The following PHF2 variants were observed in gnomAD, a reference collection of about 807,000 sequenced individuals.
The protein encoded by PHF2 is lysine-specific demethylase PHF2.
PHF2 carries 27 observed loss-of-function variants against 120.5 expected under a neutral mutation model. That is an observed-to-expected ratio of 0.22 (90% CI 0.17 to 0.31). The LOEUF (loss-of-function observed/expected upper bound fraction) is 0.31, where lower values mean the gene tolerates loss of function less well. PHF2 is among the 10% of genes least tolerant of loss of function. PHF2 has a pLI of 1.00. For missense variants in PHF2, 1,024 were observed against 1,434.8 expected (o/e 0.71, Z 4.63); for synonymous variants, 568 against 592.5 (o/e 0.96, Z 0.60).
In PHF2 at chr9:93,678,340, G is replaced by A. The variant is rs1826958612; in HGVS notation, c.*664G>A. 6.6e-6 allele frequency: 1 copy of A among 152,636 alleles called. No homozygotes were observed. The highest frequency in any genetic ancestry group is 2.1e-4 in the South Asian group (1 of 4,838). The allele number at this position is 152,636 out of a possible 1,614,324, so 9.5% of individuals were successfully genotyped here. ...GCTGGGTTGGTGTGTTAGCGGGCAG[G>A]GGAGCCATTGTGGGGTCCCCAGGAA... On this transcript the variant is annotated 3_prime_UTR_variant, in exon 22 of 22. Transcript: ENST00000359246.
At chr9:93,601,939 G>A (rs1261414405) in intron 1 of PHF2, among the ~76,000 whole-genome samples, 3 of 148,346 alleles carry the variant, frequency 2.0e-5, no homozygotes, top group Non-Finnish European at 4.5e-5. Context: ...TGCGGGGGTG[G>A]TAGGGTGGGG....
intron 1 of PHF2, among the ~76,000 whole-genome samples, chr9:93,591,546 G>A (rs1345627125): frequency 4.6e-5 from 7 of 152,332 alleles, no homozygotes; most frequent in Admixed American, 1.3e-4. Flanking sequence ...TAGGGGCAGG[G>A]TGGGGACCAG....
At chr9:93,602,148 T>C (rs1423872511) in intron 1 of PHF2, among the ~76,000 whole-genome samples, 1 of 151,802 alleles carries the variant, frequency 6.6e-6, no homozygotes, top group Non-Finnish European at 1.5e-5. Flanking sequence ...TCTCTGAAGG[T>C]GGTGGAACTA....
chr9:93,605,752 G>A (rs1825532294), intron 1 of PHF2, among the ~76,000 whole-genome samples: 1 of 151,926 alleles, frequency 6.6e-6, no homozygotes, highest in African/African-American at 2.4e-5. Flanking sequence ...GTTCTTTTTA[G>A]CACTGAGTAA....
intron 5 of PHF2, among the ~76,000 whole-genome samples, chr9:93,652,784 C>T (rs549120453): frequency 5.3e-5 from 8 of 152,262 alleles, no homozygotes; most frequent in South Asian, 4.1e-4. Context: ...ATCCAGGTGA[C>T]GCCAGAGGTG....
intron 1 of PHF2, among the ~76,000 whole-genome samples, chr9:93,615,165 GA>G (rs1423748940): frequency 7.5e-5 from 5 of 66,352 alleles, no homozygotes; most frequent in Non-Finnish European, 1.9e-4. Flanking sequence ...TGATGATGGT[GA>G]TGGTGATAGT....
At chr9:93,639,110 GA>G (rs1459511733) in intron 3 of PHF2, among the ~76,000 whole-genome samples, 4 of 152,190 alleles carry the variant, frequency 2.6e-5, no homozygotes, top group Non-Finnish European at 5.9e-5. Flanking sequence ...TTTTTACAAG[GA>G]AGTCAGCTGG....
intron 18 of PHF2, 105 bp downstream of exon 18, chr9:93,673,967 G>A: frequency 7.7e-7 from 1 of 1,295,488 alleles, no homozygotes. Context: ...GTTACAGCAG[G>A]CCTCAGCTCA....
Position 93,678,798 on chromosome 9 carries a change from CATTT to C in PHF2, c.*1125_*1128del, listed in dbSNP as rs1298163486. On this transcript the variant is annotated 3_prime_UTR_variant, in exon 22 of 22. Coordinates refer to ENST00000359246, the MANE Select transcript of PHF2 (RefSeq NM_005392.4). ...TTCTTTCTATAGAGTTCTTCATTAA[CATTT>C]ATACGAGTTTTTTGCTGAGTCAGAT... is the stretch of plus-strand genomic sequence containing the variant. 2.6e-5 allele frequency: 4 copies of C among 153,538 alleles called. No homozygotes were observed. The highest frequency in any genetic ancestry group is 2.6e-4 in the Admixed American group (4 of 15,438). 9.5% of individuals were successfully genotyped at this position (153,538 alleles called of 1,614,324 possible). A position where few individuals can be genotyped will look rare whatever the true frequency, so the allele number is the denominator to read the frequency against.
chr9:93,667,884 T>C (rs1048396564), intron 17 of PHF2, among the ~76,000 whole-genome samples: 1 of 152,126 alleles, frequency 6.6e-6, no homozygotes, highest in African/African-American at 2.4e-5. Flanking sequence ...TTGAGGAAGA[T>C]GGAGCCTGTG....
At chr9:93,585,239 C>T (rs554977008) in intron 1 of PHF2, among the ~76,000 whole-genome samples, 37 of 152,312 alleles carry the variant, frequency 2.4e-4, no homozygotes, top group African/African-American at 8.4e-4. Context: ...CATCAGATGT[C>T]GAACTAGGCG....
rs1489813488 is a variant in PHF2 at position 93,674,812 on chromosome 9, T to A, written c.2627-115T>A. Reference sequence around the variant, plus strand: ...AGTGACACAGCGTGGCAGGCCTTAGTGTAGGCCCTGGGGTTGCTGGCGAGG... The same window carrying A: ...AGTGACACAGCGTGGCAGGCCTTAGAGTAGGCCCTGGGGTTGCTGGCGAGG... On this transcript the variant is annotated intron_variant, in intron 18 of 21. Transcript: ENST00000359246. 4 of 707,666 alleles carry A rather than the reference T, an allele frequency of 5.7e-6. No individual in the cohort carries two copies. In the South Asian group the frequency reaches 6.6e-5, roughly 12 times the overall value. The allele number at this position is 707,666 out of a possible 1,614,324, so 43.8% of individuals were successfully genotyped here. A position where few individuals can be genotyped will look rare whatever the true frequency, so the allele number is the denominator to read the frequency against.
intron 17 of PHF2, among the ~76,000 whole-genome samples, chr9:93,672,125 G>A (rs1314976515): frequency 3.1e-5 from 3 of 96,062 alleles, no homozygotes; most frequent in Non-Finnish European, 2.2e-5. Flanking sequence ...TGCAGGTGTG[G>A]GTGCGGATGT....
At chr9:93,611,371 T>C (rs1825631578) in intron 1 of PHF2, among the ~76,000 whole-genome samples, 1 of 150,690 alleles carries the variant, frequency 6.6e-6, no homozygotes, top group Non-Finnish European at 1.5e-5. Flanking sequence ...GCCGAGATCA[T>C]GCCATTGCAC....
intron 3 of PHF2, among the ~76,000 whole-genome samples, chr9:93,639,735 G>T (rs1826146984): frequency 6.6e-6 from 1 of 152,124 alleles, no homozygotes; most frequent in African/African-American, 2.4e-5. Context: ...CCACCTCTTG[G>T]CATTACTTGC....
At chr9:93,648,240 C>A (rs149214606) in intron 4 of PHF2, among the ~76,000 whole-genome samples, 1 of 152,220 alleles carries the variant, frequency 6.6e-6, no homozygotes, top group Non-Finnish European at 1.5e-5. Context: ...TGGTTGCCAG[C>A]GTCCCAGTGG....
rs1002609014 is a variant in PHF2, at chr9:93,677,925, T to C, written c.*249T>C. 4.0e-6 allele frequency: 2 copies of C among 494,148 alleles called. No individual in the cohort carries two copies. The highest frequency in any genetic ancestry group is 3.9e-5 in the African/African-American group (2 of 51,430). The allele number at this position is 494,148 out of a possible 1,614,324, so 30.6% of individuals were successfully genotyped here. A position where few individuals can be genotyped will look rare whatever the true frequency, so the allele number is the denominator to read the frequency against. ...TGTCCCAGAAAAGCGGCCCTGCAAG[T>C]TTGAGGACCGCTTATTCCACTTTAA... On this transcript the variant is annotated 3_prime_UTR_variant, in exon 22 of 22. Coordinates refer to ENST00000359246, the MANE Select transcript of PHF2 (RefSeq NM_005392.4). The surrounding 1 kb of genome is among the most constrained non-coding windows in gnomAD (Gnocchi z 4.4).
rs754220382 is a variant in PHF2 at position 93,658,172 on chromosome 9, C to G, written c.1175C>G (p.Pro392Arg). The G allele has an allele frequency of 6.2e-7, 1 of 1,613,264 alleles. No homozygotes were observed. The highest frequency in any genetic ancestry group is 1.1e-5 in the South Asian group (1 of 90,820). ...KGSHKSGKQLPPHLVQGAKIL... is the reference protein window; with the variant it reads ...KGSHKSGKQLRPHLVQGAKIL... ...TCTCACAAATCTGGGAAGCAGCTGCCCCCTCATCTAGTCCAAGGAGCTAAA... is the reference window on the plus strand; with the variant it reads ...TCTCACAAATCTGGGAAGCAGCTGCGCCCTCATCTAGTCCAAGGAGCTAAA... The change falls in exon 10 of 22, where the codon CCC becomes CGC. Residue 392 changes from proline to arginine, a missense_variant. Coordinates refer to ENST00000359246, the MANE Select transcript of PHF2 (RefSeq NM_005392.4).
At position 93,658,137 on chromosome 9, in the gene PHF2, C is replaced by T; in HGVS notation, c.1148-8C>T. The T allele has an allele frequency of 1.2e-6, 2 of 1,607,768 alleles. No individual in the cohort carries two copies. The highest frequency in any genetic ancestry group is 1.7e-6 in the Non-Finnish European group (2 of 1,176,104). ...ACCCACCCACCTCACCCAGTGTCTC[C>T]TTCCCAGGCTCTCACAAATCTGGGA... On this transcript the variant is annotated splice_polypyrimidine_tract_variant and splice_region_variant and intron_variant, in intron 9 of 21. Coordinates refer to ENST00000359246, the MANE Select transcript of PHF2 (RefSeq NM_005392.4).
Sources: gnomAD v4.1 joint callset for allele counts (sites outside exome capture counted in the v4.1 genomes callset) on GRCh38, gnomAD v4.1.1 for gene constraint, Gnocchi (gnomAD v3.1) non-coding constraint, MANE v1.5 for transcripts, NCBI Gene and HGNC (gene_info 2026-07-23, HGNC 2026-07-21) for gene names.